The following SLC27A1 variants were observed in gnomAD, a reference collection of about 807,000 sequenced individuals.
SLC27A1 encodes long-chain fatty acid transport protein 1.
In SLC27A1, 61 loss-of-function variants were observed where a neutral mutation model predicts 62.2. That is an observed-to-expected ratio of 0.98 (90% CI 0.80 to 1.21). The LOEUF (loss-of-function observed/expected upper bound fraction) is 1.21. Ranked by LOEUF, SLC27A1 falls within the 50% of genes most tolerant of loss-of-function variation. SLC27A1 has a pLI of 0.00. For synonymous variants in SLC27A1, 435 were observed against 408.6 expected (o/e 1.06, Z -0.78); for missense variants, 903 against 932.1 (o/e 0.97, Z 0.41).
chr19:17,503,879 C>T lies in SLC27A1; in HGVS notation c.1784-576C>T, dbSNP rs555035264. On this transcript the variant is annotated intron_variant, in intron 11 of 11. Coordinates refer to ENST00000252595, the MANE Select transcript of SLC27A1 (RefSeq NM_198580.3). ...TCCAGGAGGTGGAGGTTGCAGTGAG[C>T]CGAGATCACACCACTGCACTCCAGC... is the stretch of plus-strand genomic sequence containing the variant. Among the ~76,000 whole-genome samples the T allele has an allele frequency of 4.2e-3, 592 of 141,214 alleles. 3 individuals are homozygous for T. Among genetic ancestry groups the T allele is most frequent in the Non-Finnish European group, 5.3e-3 (356 of 66,588 alleles). 92.6% of individuals were successfully genotyped at this position (141,214 alleles called of 152,430 possible).
chr19:17,499,684 A>AAGCTGGGGT (rs2075388256), intron 7 of SLC27A1, among the ~76,000 whole-genome samples: 1 of 151,522 alleles, frequency 6.6e-6, no homozygotes, highest in African/African-American at 2.4e-5. Context: ...GCTCAGTGGC[A>AAGCTGGGGT]TGCGCCTGTA....
intron 1 of SLC27A1, among the ~76,000 whole-genome samples, chr19:17,482,901 C>T (rs1380452639): frequency 6.6e-6 from 1 of 152,032 alleles, no homozygotes; most frequent in African/African-American, 2.4e-5. Context: ...TGCATAGATG[C>T]TAGAGATGCA....
At chr19:17,493,614 A>G (rs1057475314) in intron 6 of SLC27A1, among the ~76,000 whole-genome samples, 2 of 151,498 alleles carry the variant, frequency 1.3e-5, no homozygotes, top group African/African-American at 4.8e-5. Flanking sequence ...AGCAGGCTAT[A>G]ATCTAGAACC....
chr19:17,473,236 A>G (rs554633287), intron 1 of SLC27A1, among the ~76,000 whole-genome samples: 2 of 152,266 alleles, frequency 1.3e-5, no homozygotes, highest in East Asian at 3.9e-4. Context: ...GCTTTGAACC[A>G]TATTGTCTAC....
Position 17,486,545 on chromosome 19 carries a change from C to A in SLC27A1, c.168-18C>A. 13 of 1,558,974 alleles carry A rather than the reference C, an allele frequency of 8.3e-6. No individual in the cohort carries two copies. The highest frequency in any genetic ancestry group is 1.1e-5 in the Non-Finnish European group (13 of 1,159,140). On this transcript the variant is annotated intron_variant, in intron 1 of 11. Transcript: ENST00000252595. This position sits in a 1 kb window ranked among gnomAD's most constrained non-coding sequence, Gnocchi z 6.6. ...GGCAGGGCACCAGTGACGCTGTCCC[C>A]TCCGTCCTCCCTCCCAGCGGTCTCT...
chr19:17,487,535 G>A lies in SLC27A1; in HGVS notation c.794+6G>A. 6.2e-7 allele frequency: 1 copy of A among 1,610,822 alleles called. No homozygotes were observed. The highest frequency in any genetic ancestry group is 8.5e-7 in the Non-Finnish European group (1 of 1,179,712). On this transcript the variant is annotated splice_donor_region_variant and intron_variant, in intron 4 of 11. Transcript: ENST00000252595. ...GCCATTGTCGTGCACAGCAGGTGAG[G>A]GGCCCACAGGCATAATGCCCTCAGC...
intron 6 of SLC27A1, among the ~76,000 whole-genome samples, chr19:17,491,686 A>G (rs997506014): frequency 6.6e-6 from 1 of 152,040 alleles, no homozygotes; most frequent in Non-Finnish European, 1.5e-5. Flanking sequence ...AGCCTGGGCA[A>G]CATAGTGAGT....
rs777590554 is a variant in SLC27A1, at chr19:17,500,894, G to C, written c.1636+18G>C. ...TGTTCCAGGCAAGCTGGGGTTGCAG[G>C]GGGTGGTCCTGAGGCATGGTCCTGA... On this transcript the variant is annotated intron_variant, in intron 10 of 11. Coordinates refer to ENST00000252595, the MANE Select transcript of SLC27A1 (RefSeq NM_198580.3). 6.3e-7 allele frequency: 1 copy of C among 1,596,978 alleles called. No individual in the cohort carries two copies. Among genetic ancestry groups the C allele is most frequent in the Non-Finnish European group, 8.5e-7 (1 of 1,174,110 alleles).
At position 17,501,419 on chromosome 19, in the gene SLC27A1, G is replaced by A. The variant is rs1418320618; in HGVS notation, c.1783G>A (p.Gly595Ser). The A allele has an allele frequency of 1.2e-6, 2 of 1,611,982 alleles. No homozygotes were observed. Among genetic ancestry groups the A allele is most frequent in the Admixed American group, 1.7e-5 (1 of 59,876 alleles). Residue 595 changes from glycine to serine, a missense_variant and splice_region_variant, in exon 11 of 12, where the codon GGC (glycine) becomes AGC (serine). By Grantham distance (56) the Gly-to-Ser change is moderately conservative (BLOSUM62 0). Coordinates refer to ENST00000252595, the MANE Select transcript of SLC27A1 (RefSeq NM_198580.3). ...LRLLPQVDTT[G>S]TFKIQKTRLQ... The stretch of plus-strand genomic sequence containing the variant: ...CCTCCTGCCCCAGGTGGACACCACA[G>A]GTGCGAGTCTCCCCCACTCCAATCT...
At chr19:17,500,974 C>G in intron 10 of SLC27A1, 98 bp downstream of exon 10, 1 of 1,330,370 alleles carries the variant, frequency 7.5e-7, no homozygotes, top group Non-Finnish European at 1.0e-6. Flanking sequence ...CAGTGCACAA[C>G]CTGGACAACT....
chr19:17,474,912 G>C (rs990023807), intron 1 of SLC27A1, among the ~76,000 whole-genome samples: 5 of 136,200 alleles, frequency 3.7e-5, no homozygotes, highest in Admixed American at 2.9e-4. Context: ...TTACAGGTGT[G>C]AGCCACTGCG....
At chr19:17,477,148 C>G (rs1288558195) in intron 1 of SLC27A1, among the ~76,000 whole-genome samples, 1 of 150,730 alleles carries the variant, frequency 6.6e-6, no homozygotes, top group Non-Finnish European at 1.5e-5. Context: ...CTTGGCCTAC[C>G]AAAGTGCTGG....
At chr19:17,502,336 T>TTTTTTTTG (rs1466152179) in intron 11 of SLC27A1, among the ~76,000 whole-genome samples, 1 of 66,328 alleles carries the variant, frequency 1.5e-5, no homozygotes, top group Non-Finnish European at 3.1e-5. Flanking sequence ...TGAAATAGTG[T>TTTTTTTTG]TTTTTTTGTT....
intron 11 of SLC27A1, chr19:17,503,522 C>G (rs2075439278): frequency 6.6e-6 from 1 of 151,746 alleles, no homozygotes; most frequent in Admixed American, 6.6e-5. Flanking sequence ...TGCAATAATG[C>G]AATCATAGTT....
chr19:17,486,563 C>G lies in SLC27A1; in HGVS notation c.168C>G (p.Phe56Leu). The change falls in exon 2 of 12, where the codon TTC (phenylalanine) becomes TTG (leucine). Residue 56 changes from phenylalanine (F) to leucine (L), a missense_variant and splice_region_variant. Physicochemically the swap from Phe to Leu is conservative, Grantham distance 22 (BLOSUM62 0). Coordinates refer to ENST00000252595, the MANE Select transcript of SLC27A1 (RefSeq NM_198580.3). This position sits in a 1 kb window ranked among gnomAD's most constrained non-coding sequence, Gnocchi z 6.6. Reference sequence around the variant, plus strand: ...CTGTCCCCTCCGTCCTCCCTCCCAGCGGTCTCTCTGTGCTGATCCGCGTGC... The same window carrying G: ...CTGTCCCCTCCGTCCTCCCTCCCAGGGGTCTCTCTGTGCTGATCCGCGTGC... ...IVCKTARRDL[F>L]GLSVLIRVRL... 6.3e-7 allele frequency: 1 copy of G among 1,576,840 alleles called. No homozygotes were observed.
intron 1 of SLC27A1, among the ~76,000 whole-genome samples, chr19:17,477,713 C>T (rs377639120): frequency 4.7e-5 from 7 of 149,122 alleles, no homozygotes; most frequent in African/African-American, 7.4e-5. Flanking sequence ...CCACCATGCC[C>T]GGCTAATTTT....
Position 17,497,386 on chromosome 19 carries a change from G to A in SLC27A1, c.1128G>A (p.Glu376=), listed in dbSNP as rs770519984. ...CTGCCATCTGGGAGGAGTTCACGGA[G>A]CGCTTCGGCGTACGCCAAATCGGGG... The part of the protein sequence containing the change: ...LRPAIWEEFT[E]RFGVRQIGEF... The change falls in exon 7 of 12, where the codon GAG becomes GAA. Residue 376 remains glutamate (E), a synonymous_variant. Coordinates refer to ENST00000252595, the MANE Select transcript of SLC27A1 (RefSeq NM_198580.3). 1 of 1,604,770 alleles carries A rather than the reference G, an allele frequency of 6.2e-7. No homozygotes were observed. The highest frequency in any genetic ancestry group is 8.5e-7 in the Non-Finnish European group (1 of 1,177,370).
chr19:17,480,120 C>T (rs1198428686), intron 1 of SLC27A1, among the ~76,000 whole-genome samples: 2 of 151,658 alleles, frequency 1.3e-5, no homozygotes, highest in Non-Finnish European at 1.5e-5. Context: ...CTCCACCTCC[C>T]AGGTTCCAGT....
upstream of SLC27A1, among the ~76,000 whole-genome samples, chr19:17,469,726 C>T (rs1337054014): frequency 6.7e-6 from 1 of 149,694 alleles, no homozygotes; most frequent in African/African-American, 2.5e-5. Context: ...GGGCCTAGGT[C>T]CTAGGGGGGC....
Sources: gnomAD v4.1 joint callset for allele counts (sites outside exome capture counted in the v4.1 genomes callset) on GRCh38, gnomAD v4.1.1 for gene constraint, Gnocchi (gnomAD v3.1) non-coding constraint, MANE v1.5 for transcripts, NCBI Gene and HGNC (gene_info 2026-07-23, HGNC 2026-07-21) for gene names.